NRG3: variants seen among roughly 807,000 people sequenced by gnomAD.
NRG3 encodes the protein pro-neuregulin-3, membrane-bound isoform.
NRG3 carries 31 observed loss-of-function variants against 66.9 expected under a neutral mutation model. The ratio of observed to expected loss-of-function variants is 0.46; its 90% CI spans 0.35 to 0.63. NRG3 has a LOEUF of 0.63. NRG3 is among the 20% of genes least tolerant of loss of function. NRG3 has a pLI of 0.00. For missense variants in NRG3, 910 were observed against 878.9 expected, an observed-to-expected ratio of 1.04 and a Z score of -0.45; for synonymous variants, 393 against 359.4, an observed-to-expected ratio of 1.09 and a Z score of -1.06.
chr10:82,039,316 A>T (rs2062926953), intron 1 of NRG3, among the ~76,000 whole-genome samples: 1 of 152,102 alleles, frequency 6.6e-6, no homozygotes, highest in African/African-American at 2.4e-5. Context: ...ATTAAATACC[A>T]ACAATTCCTA....
At chr10:81,883,735 C>T (rs1283919536) in intron 1 of NRG3, among the ~76,000 whole-genome samples, 1 of 152,134 alleles carries the variant, frequency 6.6e-6, no homozygotes, top group Admixed American at 6.5e-5. Context: ...CTACATGCAA[C>T]CTCTGGCATG....
chr10:82,820,326 T>C (rs2061895557), intron 3 of NRG3, among the ~76,000 whole-genome samples: 1 of 152,236 alleles, frequency 6.6e-6, no homozygotes, highest in African/African-American at 2.4e-5. Context: ...GTCTGGCATA[T>C]ATTAAATTCC....
At chr10:81,923,698 G>A (rs951698066) in intron 1 of NRG3, among the ~76,000 whole-genome samples, 8 of 148,492 alleles carry the variant, frequency 5.4e-5, no homozygotes, top group African/African-American at 2.0e-4. Context: ...GACCCCCGGA[G>A]AATGCTGTTT....
intron 1 of NRG3, among the ~76,000 whole-genome samples, chr10:81,942,911 A>G (rs1456778266): frequency 1.2e-4 from 19 of 152,216 alleles, no homozygotes. Flanking sequence ...ACCTAGAAAC[A>G]TTAATATTAA....
intron 3 of NRG3, among the ~76,000 whole-genome samples, chr10:82,840,919 ATAC>A (rs1440621530): frequency 4.6e-5 from 7 of 152,148 alleles, no homozygotes; most frequent in Non-Finnish European, 1.0e-4. Context: ...CTAAAAAGAC[ATAC>A]TAAAGTCTTA....
intron 4 of NRG3, among the ~76,000 whole-genome samples, chr10:82,904,667 A>G (rs1421889350): frequency 5.3e-5 from 8 of 152,164 alleles, no homozygotes; most frequent in Non-Finnish European, 5.9e-5. Context: ...GGATATGCCT[A>G]TATCAAAGAA....
At chr10:82,219,166 T>C (rs2075823540) in intron 1 of NRG3, among the ~76,000 whole-genome samples, 1 of 151,304 alleles carries the variant, frequency 6.6e-6, no homozygotes, top group African/African-American at 2.4e-5. Flanking sequence ...TATATGTCAA[T>C]CTAAAAAGGG....
chr10:81,937,123 G>A (rs1847951914), intron 1 of NRG3, among the ~76,000 whole-genome samples: 1 of 151,998 alleles, frequency 6.6e-6, no homozygotes, highest in African/African-American at 2.4e-5. Context: ...CTTTTTTAAG[G>A]CTGAACGAAT....
At chr10:82,288,048 T>C (rs1341587787) in intron 1 of NRG3, among the ~76,000 whole-genome samples, 1 of 152,216 alleles carries the variant, frequency 6.6e-6, no homozygotes, top group Non-Finnish European at 1.5e-5. Context: ...TATGTGATTA[T>C]AAGGGGAGCC....
rs541871755 is a variant in NRG3, at chr10:82,597,418, G to C, written c.954-141159G>C. On this transcript the variant is annotated intron_variant, in intron 2 of 8. Coordinates refer to ENST00000372141, the MANE Select transcript of NRG3 (RefSeq NM_001010848.4). ...ATTTCTAGCTTGTAAAGAGAATGCA[G>C]ATTAGCTTTTTATCCATACAGTACC... Among the ~76,000 whole-genome samples the C allele has an allele frequency of 1.9e-4, 29 of 152,282 alleles. No homozygotes were observed. The South Asian group carries it at 5.8e-3, about 31-fold the overall frequency.
At chr10:82,210,143 T>G (rs974678782) in intron 1 of NRG3, among the ~76,000 whole-genome samples, 1 of 152,156 alleles carries the variant, frequency 6.6e-6, no homozygotes, top group African/African-American at 2.4e-5. Flanking sequence ...AGGCTCTGCA[T>G]AAATGAATTT....
At chr10:82,957,401 T>C (rs756445619) in intron 5 of NRG3, among the ~76,000 whole-genome samples, 4 of 151,820 alleles carry the variant, frequency 2.6e-5, no homozygotes, top group Non-Finnish European at 5.9e-5. Flanking sequence ...TGTGCTCCAC[T>C]GACGGCACTA....
At position 82,155,049 on chromosome 10, in the gene NRG3, T is replaced by C. The variant is rs547764000; in HGVS notation, c.824-203690T>C. Among the ~76,000 whole-genome samples, 3 of 151,998 alleles carry C rather than the reference T, an allele frequency of 2.0e-5. No homozygotes were observed. In the East Asian group the frequency reaches 5.8e-4, roughly 29 times the overall value. ...TGCTTTTTATTGTCTATAAATTTAT[T>C]GACTGCTCTTTAATCTTTCACCTAC... On this transcript the variant is annotated intron_variant, in intron 1 of 8. Transcript: ENST00000372141.
Position 82,887,478 on chromosome 10 carries a change from G to A in NRG3, c.1054+22041G>A, listed in dbSNP as rs143340613. 2.2e-3 allele frequency among the ~76,000 whole-genome samples: 333 copies of A among 152,256 alleles called. No individual in the cohort carries two copies. In the Middle Eastern group the frequency reaches 0.037, roughly 17 times the overall value. On this transcript the variant is annotated intron_variant, in intron 4 of 8. Coordinates refer to ENST00000372141, the MANE Select transcript of NRG3 (RefSeq NM_001010848.4). ...ATTGTTAGAATCAGCATTTATAATTGAGTTTCAACTAAATGCTTTGTTTTA... is the reference window on the plus strand; with the variant it reads ...ATTGTTAGAATCAGCATTTATAATTAAGTTTCAACTAAATGCTTTGTTTTA...
intron 1 of NRG3, among the ~76,000 whole-genome samples, chr10:82,138,010 A>C (rs1319519343): frequency 2.6e-5 from 4 of 152,236 alleles, no homozygotes; most frequent in Non-Finnish European, 5.9e-5. Context: ...GAAGTTAAAC[A>C]AAGAGAGTAA....
intron 4 of NRG3, among the ~76,000 whole-genome samples, chr10:82,870,359 A>G (rs1036241596): frequency 6.6e-6 from 1 of 152,212 alleles, no homozygotes; most frequent in African/African-American, 2.4e-5. Context: ...GTTGTTTCCA[A>G]CTTTTGACAA....
At chr10:82,137,612 T>C (rs902077918) in intron 1 of NRG3, among the ~76,000 whole-genome samples, 21 of 152,180 alleles carry the variant, frequency 1.4e-4, no homozygotes, top group Non-Finnish European at 2.5e-4. Context: ...ATAGAACTAA[T>C]TGATTCAAGA....
intron 4 of NRG3, among the ~76,000 whole-genome samples, chr10:82,946,233 A>C (rs1476423285): frequency 6.8e-6 from 1 of 147,616 alleles, no homozygotes; most frequent in Non-Finnish European, 1.5e-5. Flanking sequence ...AAAAAAGTGG[A>C]GTGGTCCTTT....
intron 1 of NRG3, among the ~76,000 whole-genome samples, chr10:82,072,821 C>T (rs921832006): frequency 2.0e-5 from 3 of 151,866 alleles, no homozygotes. Context: ...AGCTGGAGTG[C>T]AGTGGCACAA....
Sources: gnomAD v4.1 joint callset for allele counts (sites outside exome capture counted in the v4.1 genomes callset) on GRCh38, gnomAD v4.1.1 for gene constraint, MANE v1.5 for transcripts, NCBI Gene and HGNC (gene_info 2026-07-23, HGNC 2026-07-21) for gene names.